The following ZC4H2 variants were observed in gnomAD, a reference collection of about 807,000 sequenced individuals.
The protein encoded by ZC4H2 is zinc finger C4H2-type containing, also known as zinc finger C4H2 domain-containing protein.
For synonymous variants in ZC4H2, 84 were observed against 66.3 expected (o/e 1.27, Z -1.30); for missense variants, 137 against 173.9 (o/e 0.79, Z 1.19).
chrX:64,918,443 A>G (rs1400258575), intron 4 of ZC4H2: 1 of 113,820 alleles, frequency 8.8e-6, no homozygotes, highest in Non-Finnish European at 1.8e-5. Flanking sequence ...CTGTAATTTG[A>G]TGACCCCTGC....
chrX:64,957,377 C>G (rs996716458), intron 1 of ZC4H2, among the ~76,000 whole-genome samples: 1 of 111,689 alleles, frequency 9.0e-6, no homozygotes, highest in African/African-American at 3.2e-5. Context: ...CTCAATTAAC[C>G]TCCTTTAAAT....
intron 1 of ZC4H2, among the ~76,000 whole-genome samples, chrX:65,023,921 C>T (rs1829634204): frequency 8.9e-6 from 1 of 111,762 alleles, no homozygotes; most frequent in Non-Finnish European, 1.9e-5. Context: ...GAATACTATG[C>T]AGCCATAAAA....
In ZC4H2 at chrX:64,916,061, G is replaced by C. The variant is rs1230136284; in HGVS notation, c.*1722C>G. ...ATGGAGAAGAAGTAGAAAAAAATGA[G>C]CTCTGGAGTTGGACAAAGCTGGCTC... is the stretch of plus-strand genomic sequence containing the variant. On this transcript the variant is annotated 3_prime_UTR_variant, in exon 5 of 5. Transcript: ENST00000374839. 1 of 112,004 alleles carries C rather than the reference G, an allele frequency of 8.9e-6. No individual in the cohort carries two copies. Among genetic ancestry groups the C allele is most frequent in the African/African-American group, 3.2e-5 (1 of 30,835 alleles). The allele number at this position is 112,004 out of a possible 1,213,427, so 9.2% of individuals were successfully genotyped here. A position where few individuals can be genotyped will look rare whatever the true frequency, so the allele number is the denominator to read the frequency against.
intron 1 of ZC4H2, among the ~76,000 whole-genome samples, chrX:65,008,152 G>A (rs1323767547): frequency 9.0e-6 from 1 of 111,578 alleles, no homozygotes; most frequent in Non-Finnish European, 1.9e-5. Context: ...TAAAAAATAG[G>A]CAAAATAAGT....
intron 1 of ZC4H2, among the ~76,000 whole-genome samples, chrX:65,010,404 A>G (rs1385813341): frequency 8.9e-6 from 1 of 112,654 alleles, no homozygotes; most frequent in Non-Finnish European, 1.9e-5. Context: ...TAAAGTCCAG[A>G]TATATTAAGT....
intron 1 of ZC4H2, among the ~76,000 whole-genome samples, chrX:64,938,668 T>A (rs1161369435): frequency 9.0e-6 from 1 of 111,223 alleles, no homozygotes; most frequent in Non-Finnish European, 1.9e-5. Context: ...CACATAAACA[T>A]AACCAATGAC....
At chrX:64,922,447 G>T (rs964076515) in intron 1 of ZC4H2, among the ~76,000 whole-genome samples, 1 of 111,385 alleles carries the variant, frequency 9.0e-6, no homozygotes, top group African/African-American at 3.3e-5. Context: ...CTTGTCTCAA[G>T]AAAAAGTTAG....
At chrX:64,994,941 T>C (rs770727585) in intron 1 of ZC4H2, among the ~76,000 whole-genome samples, 10 of 110,931 alleles carry the variant, frequency 9.0e-5, no homozygotes, top group Non-Finnish European at 1.7e-4. Flanking sequence ...GTAAGATACA[T>C]ACAAAAGTAG....
chrX:64,981,615 C>T (rs773553887), intron 1 of ZC4H2, among the ~76,000 whole-genome samples: 1 of 110,792 alleles, frequency 9.0e-6, no homozygotes, highest in East Asian at 2.9e-4. Flanking sequence ...GGAAGAGAAC[C>T]GTACGATGTT....
chrX:64,933,430 G>A (rs1929845448), intron 1 of ZC4H2, among the ~76,000 whole-genome samples: 1 of 111,681 alleles, frequency 9.0e-6, no homozygotes, highest in Admixed American at 9.5e-5. Flanking sequence ...TTAGAACCCT[G>A]TCTTGTCATA....
intron 1 of ZC4H2, among the ~76,000 whole-genome samples, chrX:64,940,651 G>A (rs781057041): frequency 1.3e-3 from 141 of 111,390 alleles, no homozygotes; most frequent in Non-Finnish European, 2.3e-3. Flanking sequence ...ATATTAAATG[G>A]GGAATCCTTT....
At chrX:64,944,309 TG>T (rs1470833152) in intron 1 of ZC4H2, among the ~76,000 whole-genome samples, 1 of 108,453 alleles carries the variant, frequency 9.2e-6, no homozygotes, top group Non-Finnish European at 1.9e-5. Context: ...CCTGGCTAAT[TG>T]TTTTGTATTT....
At chrX:64,977,015 T>C (rs1165681298), upstream of ZC4H2, among the ~76,000 whole-genome samples, 1 of 111,049 alleles carries the variant, frequency 9.0e-6, no homozygotes, top group East Asian at 2.8e-4. Flanking sequence ...TTCCAGCTAC[T>C]TACCCATTCA....
chrX:65,032,433 C>T (rs1932943460), intron 1 of ZC4H2, among the ~76,000 whole-genome samples: 1 of 111,742 alleles, frequency 8.9e-6, no homozygotes, highest in Admixed American at 9.4e-5. Context: ...TTCCTTAGAA[C>T]CTGAAAGGCA....
chrX:64,999,108 G>C (rs1932482704), intron 1 of ZC4H2, among the ~76,000 whole-genome samples: 1 of 73,638 alleles, frequency 1.4e-5, no homozygotes, highest in Middle Eastern at 0.015. Context: ...TTAAAAAGTT[G>C]AATCTGTTTG....
chrX:64,941,452 GTCAT>G (rs1930277481), intron 1 of ZC4H2, among the ~76,000 whole-genome samples: 1 of 111,848 alleles, frequency 8.9e-6, no homozygotes, highest in African/African-American at 3.3e-5. Flanking sequence ...GGTGAGAGAG[GTCAT>G]TCTTGTCTTT....
intron 1 of ZC4H2, among the ~76,000 whole-genome samples, chrX:65,030,401 C>T (rs1262579410): frequency 8.9e-6 from 1 of 111,899 alleles, no homozygotes; most frequent in African/African-American, 3.3e-5. Context: ...GAGTGAACCA[C>T]TGTGTCTAGC....
intron 1 of ZC4H2, among the ~76,000 whole-genome samples, chrX:65,026,092 A>G (rs938186440): frequency 2.7e-5 from 3 of 111,952 alleles, no homozygotes; most frequent in African/African-American, 9.8e-5. Flanking sequence ...AAGGACCACG[A>G]ATGGGCATGA....
chrX:64,919,399 C>A, intron 3 of ZC4H2, 195 bp from the exon 4 acceptor site: 1 of 429,152 alleles, frequency 2.3e-6, no homozygotes, highest in Non-Finnish European at 3.9e-6. Flanking sequence ...CCTCTTTGTC[C>A]TTAGCTCTGA....
Sources: gnomAD v4.1 joint callset for allele counts (sites outside exome capture counted in the v4.1 genomes callset) on GRCh38, gnomAD v4.1.1 for gene constraint, MANE v1.5 for transcripts, NCBI Gene and HGNC (gene_info 2026-07-23, HGNC 2026-07-21) for gene names.